The following EYS variants were observed in gnomAD, a reference collection of about 807,000 sequenced individuals.
EYS encodes the protein protein eyes shut homolog.
In EYS, 250 loss-of-function variants were observed where a neutral mutation model predicts 282.1. The ratio of observed to expected loss-of-function variants is 0.89; its 90% confidence interval spans 0.80 to 0.98. The LOEUF (loss-of-function observed/expected upper bound fraction) is 0.98. Ranked by LOEUF, EYS falls within the 50% of genes least tolerant of loss-of-function variation. EYS has a pLI of 0.00. For synonymous variants in EYS, 1,355 were observed against 1,282.9 expected (o/e 1.06, Z -1.20); for missense variants, 4,016 against 3,709.0 (o/e 1.08, Z -2.15).
At chr6:64,294,626 C>A (rs1768840142) in intron 30 of EYS, among the ~76,000 whole-genome samples, 1 of 152,114 alleles carries the variant, frequency 6.6e-6, no homozygotes, top group South Asian at 2.1e-4. Context: ...AGCTTCAATT[C>A]TCATAGTGTC....
rs6935159 is a variant in EYS, at chr6:65,699,837, G to A, written c.-448+7298C>T. ...CCTTAAAACTATATTAAAACAGGCC[G>A]GGCGCGGTGGCTCACGCCTGTAATC... On this transcript the variant is annotated intron_variant, in intron 1 of 42. Transcript: ENST00000503581. 4.1e-3 allele frequency among the ~76,000 whole-genome samples: 619 copies of A among 152,182 alleles called. 6 individuals carry two copies. The highest frequency in any genetic ancestry group is 5.5e-3 in the Non-Finnish European group (372 of 68,014).
At chr6:64,988,822 A>T (rs1433869660) in intron 14 of EYS, among the ~76,000 whole-genome samples, 1 of 151,596 alleles carries the variant, frequency 6.6e-6, no homozygotes, top group Admixed American at 6.6e-5. Context: ...ATTATTTGAT[A>T]TGAAAATATA....
At chr6:64,784,076 G>A (rs1466903114) in intron 22 of EYS, among the ~76,000 whole-genome samples, 1 of 151,986 alleles carries the variant, frequency 6.6e-6, no homozygotes, top group African/African-American at 2.4e-5. Context: ...GTTACTATAT[G>A]TGATTAACAT....
chr6:64,809,694 C>T (rs1365775424), intron 22 of EYS, among the ~76,000 whole-genome samples: 1 of 151,950 alleles, frequency 6.6e-6, no homozygotes, highest in Non-Finnish European at 1.5e-5. Context: ...GAGCTGGAAG[C>T]CATGATCCTA....
intron 2 of EYS, among the ~76,000 whole-genome samples, chr6:65,592,696 C>A (rs774414146): frequency 1.4e-4 from 21 of 151,976 alleles, no homozygotes; most frequent in Non-Finnish European, 2.4e-4. Flanking sequence ...TGCCATGATG[C>A]ACCACTACTT....
chr6:64,328,826 A>T (rs552472169), intron 29 of EYS, among the ~76,000 whole-genome samples: 1 of 152,306 alleles, frequency 6.6e-6, no homozygotes, highest in East Asian at 1.9e-4. Flanking sequence ...GTCGTGGTAG[A>T]GGACAAGCTA....
intron 35 of EYS, among the ~76,000 whole-genome samples, chr6:63,881,545 C>T (rs60765160): frequency 0.12 from 18,045 of 151,986 alleles, 1,296 homozygotes; most frequent in African/African-American, 0.19. Context: ...ACTCCAGTTC[C>T]GAATTAAAAT....
At chr6:65,545,753 T>A (rs775475569) in intron 2 of EYS, among the ~76,000 whole-genome samples, 1 of 152,168 alleles carries the variant, frequency 6.6e-6, no homozygotes. Flanking sequence ...TACCTTCAAA[T>A]TTAATAGTTA....
chr6:65,405,213 T>C lies in EYS; in HGVS notation c.1017A>G (p.Val339=), dbSNP rs1265382931. Residue 339 remains valine, a synonymous_variant, in exon 6 of 43, where the codon GTA becomes GTG. Transcript: ENST00000503581. The stretch of plus-strand genomic sequence containing the variant: ...TGCAGTCAGTACCATTCTGACATGG[T>C]ACTAATGAAAACTCACTGACATCAG... ...GETDVSEFSL[V]PCQNGTDCIK... is the part of the protein sequence containing the mutation. The C allele has an allele frequency of 6.2e-7, 1 of 1,613,240 alleles. No individual in the cohort carries two copies. The highest frequency in any genetic ancestry group is 1.7e-5 in the Admixed American group (1 of 59,940).
At chr6:65,636,196 G>A (rs1586656) in intron 2 of EYS, among the ~76,000 whole-genome samples, 2 of 152,116 alleles carry the variant, frequency 1.3e-5, no homozygotes, top group Non-Finnish European at 1.5e-5. Context: ...ATTTCTCTGC[G>A]CAAAATTTTT....
At chr6:64,925,854 C>T (rs1299571943) in intron 15 of EYS, among the ~76,000 whole-genome samples, 1 of 152,212 alleles carries the variant, frequency 6.6e-6, no homozygotes, top group East Asian at 1.9e-4. Flanking sequence ...TGCATGTGGG[C>T]CCCTAATGGT....
intron 37 of EYS, among the ~76,000 whole-genome samples, chr6:63,793,316 G>A (rs182187365): frequency 7.5e-4 from 114 of 152,282 alleles, no homozygotes; most frequent in African/African-American, 2.6e-3. Flanking sequence ...GTAGCCAAAG[G>A]TCGAGAGTGT....
chr6:64,310,026 T>C (rs1769615998), intron 29 of EYS, among the ~76,000 whole-genome samples: 1 of 141,650 alleles, frequency 7.1e-6, no homozygotes, highest in South Asian at 2.2e-4. Context: ...TGAGATACCA[T>C]CTCACACCAG....
At chr6:65,270,312 T>C (rs1011811730) in intron 12 of EYS, among the ~76,000 whole-genome samples, 1 of 152,182 alleles carries the variant, frequency 6.6e-6, no homozygotes, top group African/African-American at 2.4e-5. Flanking sequence ...TAGATGCTCT[T>C]CCTTCTGATT....
At chr6:64,448,560 C>T (rs984182740) in intron 26 of EYS, among the ~76,000 whole-genome samples, 3 of 152,222 alleles carry the variant, frequency 2.0e-5, no homozygotes, top group Non-Finnish European at 2.9e-5. Context: ...ACTGCCTCCT[C>T]AAGTGGGTCC....
intron 12 of EYS, among the ~76,000 whole-genome samples, chr6:65,121,414 C>A (rs1775546857): frequency 6.6e-6 from 1 of 152,264 alleles, no homozygotes; most frequent in East Asian, 1.9e-4. Flanking sequence ...AGCCTTATTT[C>A]ATCAAATCCT....
intron 29 of EYS, among the ~76,000 whole-genome samples, chr6:64,349,885 A>G (rs1211180121): frequency 6.6e-6 from 1 of 151,536 alleles, no homozygotes; most frequent in Non-Finnish European, 1.5e-5. Context: ...GTTTTGAAAT[A>G]TCTACTTGAA....
intron 12 of EYS, among the ~76,000 whole-genome samples, chr6:65,217,919 A>T (rs978089376): frequency 3.9e-5 from 6 of 152,038 alleles, no homozygotes; most frequent in African/African-American, 9.7e-5. Context: ...CTGTGTGGAG[A>T]TTGAAGAGTA....
intron 37 of EYS, among the ~76,000 whole-genome samples, chr6:63,790,415 T>C (rs1222439587): frequency 6.6e-6 from 1 of 152,194 alleles, no homozygotes; most frequent in Non-Finnish European, 1.5e-5. Flanking sequence ...GGGTCTGCCA[T>C]GGGCCCTGAG....
Sources: allele counts gnomAD v4.1 joint callset (sites outside exome capture counted in the v4.1 genomes callset), GRCh38; gene constraint gnomAD v4.1.1; transcripts MANE v1.5; gene names NCBI Gene and HGNC (gene_info 2026-07-23, HGNC 2026-07-21).